ANKRD36C: variants seen among roughly 807,000 people sequenced by gnomAD.
The protein encoded by ANKRD36C is ankyrin repeat domain 36C, also known as ankyrin repeat domain-containing protein 36C.
ANKRD36C carries 61 observed loss-of-function variants against 276.4 expected under a neutral mutation model. The observed-to-expected ratio is 0.22, with a 90% confidence interval of 0.18 to 0.27. The LOEUF (loss-of-function observed/expected upper bound fraction) is 0.27, where lower values mean the gene tolerates loss of function less well. ANKRD36C is among the 10% of genes least tolerant of loss of function. The pLI, the probability that ANKRD36C is intolerant of heterozygous loss-of-function variation, is 1.00. For missense variants in ANKRD36C, 1,447 were observed against 2,032.3 expected, an observed-to-expected ratio of 0.71 and a Z score of 5.54; for synonymous variants, 483 against 680.1, an observed-to-expected ratio of 0.71 and a Z score of 4.51.
chr2:95,920,590 A>G (rs561286912), intron 34 of ANKRD36C, among the ~76,000 whole-genome samples: 3 of 132,778 alleles, frequency 2.3e-5, no homozygotes, highest in Non-Finnish European at 3.3e-5. Context: ...GCACCAAAGG[A>G]TAATATATTA....
At chr2:95,938,298 T>C (rs962641575) in intron 22 of ANKRD36C, among the ~76,000 whole-genome samples, 90 of 152,302 alleles carry the variant, frequency 5.9e-4, no homozygotes, top group South Asian at 4.1e-4. Context: ...ACACTGTATC[T>C]ACCAAAGAGT....
chr2:95,927,689 G>A (rs1049849781), intron 26 of ANKRD36C, among the ~76,000 whole-genome samples: 26 of 151,706 alleles, frequency 1.7e-4, no homozygotes, highest in African/African-American at 6.0e-4. Flanking sequence ...TGGATATGCC[G>A]AGTGATGAGG....
At chr2:95,897,728 T>A (rs1277792861) in intron 44 of ANKRD36C, among the ~76,000 whole-genome samples, 1 of 147,832 alleles carries the variant, frequency 6.8e-6, no homozygotes, top group African/African-American at 2.5e-5. Context: ...CATGTCAATA[T>A]CAACGTGGAT....
intron 55 of ANKRD36C, 38 bp downstream of exon 75, chr2:95,882,431 C>T (rs1335838203): frequency 1.2e-5 from 19 of 1,545,820 alleles, no homozygotes; most frequent in Admixed American, 1.2e-4. Context: ...ATAGGCTATG[C>T]AATAAATAAT....
chr2:95,986,541 C>T, intron 3 of ANKRD36C: 1 of 599,426 alleles, frequency 1.7e-6, no homozygotes, highest in Non-Finnish European at 2.7e-6. Flanking sequence ...TAATTATTTA[C>T]CATAAGTGCA....
At chr2:95,976,171 T>A (rs1016288343) in intron 6 of ANKRD36C, among the ~76,000 whole-genome samples, 11 of 152,166 alleles carry the variant, frequency 7.2e-5, no homozygotes, top group African/African-American at 1.2e-4. Flanking sequence ...ACACTTTTAC[T>A]CTGTTGGTGG....
At chr2:95,911,746 A>G (rs1175805874) in intron 42 of ANKRD36C, among the ~76,000 whole-genome samples, 3 of 151,310 alleles carry the variant, frequency 2.0e-5, no homozygotes, top group Non-Finnish European at 4.4e-5. Context: ...CCCCAAAATT[A>G]TATAAACGAC....
chr2:95,866,562 C>T (rs1291714807), intron 60 of ANKRD36C, among the ~76,000 whole-genome samples: 1 of 151,890 alleles, frequency 6.6e-6, no homozygotes, highest in Non-Finnish European at 1.5e-5. Flanking sequence ...GGATCATGTA[C>T]ATTAAACCCA....
intron 42 of ANKRD36C, among the ~76,000 whole-genome samples, chr2:95,912,024 C>A (rs1261585884): frequency 1.3e-5 from 2 of 151,446 alleles, no homozygotes; most frequent in Non-Finnish European, 3.0e-5. Flanking sequence ...CTCCATATTT[C>A]TTCCTCCCAA....
At chr2:95,894,680 G>T (rs553049186) in intron 44 of ANKRD36C, among the ~76,000 whole-genome samples, 1 of 151,316 alleles carries the variant, frequency 6.6e-6, no homozygotes, top group Non-Finnish European at 1.5e-5. Flanking sequence ...TCATATTCAC[G>T]TTTATCTCAT....
At chr2:95,913,033 A>C (rs1459198425) in intron 40 of ANKRD36C, among the ~76,000 whole-genome samples, 4 of 150,336 alleles carry the variant, frequency 2.7e-5, no homozygotes, top group African/African-American at 7.3e-5. Context: ...TAGTGTAATA[A>C]TTTGCCTAAG....
At chr2:95,922,597 A>G (rs1276310736) in intron 32 of ANKRD36C, among the ~76,000 whole-genome samples, 1 of 151,638 alleles carries the variant, frequency 6.6e-6, no homozygotes, top group Non-Finnish European at 1.5e-5. Flanking sequence ...AAATCACTCC[A>G]ATATTCATTG....
intron 58 of ANKRD36C, among the ~76,000 whole-genome samples, chr2:95,878,439 T>A (rs1676003973): frequency 6.6e-6 from 1 of 152,164 alleles, no homozygotes; most frequent in South Asian, 2.1e-4. Context: ...AAAAATAGGT[T>A]TCTTAGTAAA....
chr2:95,869,410 T>C (rs1404058987), intron 59 of ANKRD36C, among the ~76,000 whole-genome samples: 1 of 152,226 alleles, frequency 6.6e-6, no homozygotes, highest in Non-Finnish European at 1.5e-5. Context: ...TATCACTATA[T>C]GAACAGTGTA....
chr2:95,916,660 A>C (rs1677105914), intron 36 of ANKRD36C, among the ~76,000 whole-genome samples: 1 of 151,594 alleles, frequency 6.6e-6, no homozygotes. Context: ...TTGAATGTAC[A>C]CTCACATCTC....
chr2:95,857,986 G>A (rs72931738), intron 61 of ANKRD36C, among the ~76,000 whole-genome samples: 2 of 151,810 alleles, frequency 1.3e-5, no homozygotes, highest in Admixed American at 6.6e-5. Context: ...TTAATCCCAG[G>A]TCTTCAAATA....
At chr2:95,914,417 T>C (rs62153699) in intron 38 of ANKRD36C, 114 bp from the exon 41 acceptor site, 218,378 of 1,335,430 alleles carry the variant, frequency 0.16, 21,732 homozygotes, top group Non-Finnish European at 0.19. Context: ...AGCGTAGTCT[T>C]TGATGGCTTC....
intron 58 of ANKRD36C, 113 bp downstream of exon 78, chr2:95,880,314 A>C: frequency 8.8e-7 from 1 of 1,142,798 alleles, no homozygotes; most frequent in Non-Finnish European, 1.2e-6. Flanking sequence ...TATTTAGATG[A>C]AATCCTGAAA....
intron 26 of ANKRD36C, among the ~76,000 whole-genome samples, chr2:95,928,864 T>C (rs902291069): frequency 2.0e-5 from 3 of 151,530 alleles, no homozygotes; most frequent in Admixed American, 1.3e-4. Context: ...CCAATTTCAA[T>C]GTAGGGAAGT....
Sources: gnomAD v4.1 joint callset for allele counts (sites outside exome capture counted in the v4.1 genomes callset) on GRCh38, gnomAD v4.1.1 for gene constraint, MANE v1.5 for transcripts, NCBI Gene and HGNC (gene_info 2026-07-23, HGNC 2026-07-21) for gene names.